Variants in VPS13D observed in about 807,000 individuals in gnomAD.
VPS13D encodes intermembrane lipid transfer protein VPS13D.
Under a neutral mutation model 461.9 loss-of-function variants are expected in VPS13D, and 187 were observed. The observed-to-expected ratio is 0.40, with a 90% CI of 0.36 to 0.46. VPS13D has a LOEUF of 0.46. VPS13D is among the 20% of genes least tolerant of loss of function. VPS13D has a pLI of 0.60. For synonymous variants in VPS13D, 1,951 were observed against 1,986.3 expected (o/e 0.98, Z 0.47); for missense variants, 4,711 against 5,364.9 (o/e 0.88, Z 3.81).
chr1:12,379,447 A>T (rs754204873), intron 56 of VPS13D, 41 bp from the exon 57 acceptor site: 5 of 1,579,106 alleles, frequency 3.2e-6, no homozygotes, highest in Non-Finnish European at 3.5e-6. Context: ...GAAACAGTTG[A>T]CTCGGAGGTT....
chr1:12,256,867 G>A (rs1184177353), intron 8 of VPS13D, 120 bp from the exon 9 acceptor site: 1 of 1,057,974 alleles, frequency 9.5e-7, no homozygotes, highest in Non-Finnish European at 1.4e-6. Flanking sequence ...CTTTCAGTTT[G>A]CACTGGGTTT....
chr1:12,321,461 A>G (rs1643033028), intron 32 of VPS13D, among the ~76,000 whole-genome samples: 1 of 152,206 alleles, frequency 6.6e-6, no homozygotes, highest in Non-Finnish European at 1.5e-5. Flanking sequence ...TAGATGTGAT[A>G]TAACCTTGGC....
At chr1:12,340,360 A>T (rs561112443) in intron 40 of VPS13D, among the ~76,000 whole-genome samples, 4 of 152,334 alleles carry the variant, frequency 2.6e-5, no homozygotes, top group South Asian at 2.1e-4. Flanking sequence ...ACTATATCTT[A>T]GACTCCCCTG....
chr1:12,459,452 T>C (rs566831326), intron 66 of VPS13D, among the ~76,000 whole-genome samples: 88 of 151,812 alleles, frequency 5.8e-4, no homozygotes, highest in African/African-American at 2.0e-3. Context: ...TAGTTATCTC[T>C]CTCTGCCTTA....
rs777747621 is a variant in VPS13D at position 12,268,900 on chromosome 1, C to G, written c.1972+24C>G. ...AGGTTAACTTTTTTGTTTGTTTGAT[C>G]TTATGTTCCTTTTGAAAAACATCTT... On this transcript the variant is annotated intron_variant, in intron 16 of 69. Transcript: ENST00000620676. 6.9e-6 allele frequency: 11 copies of G among 1,594,972 alleles called. No homozygotes were observed. The East Asian group carries it at 1.8e-4, about 26-fold the overall frequency.
At chr1:12,429,337 G>A (rs1049066133) in intron 65 of VPS13D, among the ~76,000 whole-genome samples, 1 of 151,512 alleles carries the variant, frequency 6.6e-6, no homozygotes, top group Non-Finnish European at 1.5e-5. Flanking sequence ...TTGTCACCCA[G>A]GCTGGAGTGC....
At chr1:12,232,459 G>A (rs549302729) in intron 1 of VPS13D, among the ~76,000 whole-genome samples, 3 of 152,176 alleles carry the variant, frequency 2.0e-5, no homozygotes, top group African/African-American at 4.8e-5. Context: ...AGTGGGATGC[G>A]TGCCATGGCA....
chr1:12,499,706 G>A, intron 68 of VPS13D: 1 of 985,412 alleles, frequency 1.0e-6, no homozygotes, highest in Non-Finnish European at 1.2e-6. Context: ...GTTAAATCTT[G>A]CCAATGAATG....
chr1:12,293,437 G>T, intron 23 of VPS13D, 87 bp from the exon 24 acceptor site: 1 of 1,301,816 alleles, frequency 7.7e-7, no homozygotes, highest in Non-Finnish European at 1.0e-6. Flanking sequence ...CTGGTTTTAG[G>T]GAAGCCCCTA....
intron 16 of VPS13D, among the ~76,000 whole-genome samples, chr1:12,269,724 T>C (rs147453259): frequency 0.021 from 3,133 of 152,310 alleles, 154 homozygotes; most frequent in Admixed American, 0.12. Context: ...TATAAAACAA[T>C]AGTATTTTCC....
At chr1:12,269,887 C>G (rs542238590) in intron 16 of VPS13D, among the ~76,000 whole-genome samples, 4 of 152,122 alleles carry the variant, frequency 2.6e-5, no homozygotes, top group Non-Finnish European at 4.4e-5. Context: ...ATGGTTCATA[C>G]CTGTAATCCT....
chr1:12,234,460 ATGGC>A, intron 2 of VPS13D, 97 bp downstream of exon 2: 1 of 966,070 alleles, frequency 1.0e-6, no homozygotes, highest in South Asian at 1.6e-5. Flanking sequence ...TAATGCCCAG[ATGGC>A]TTTGTACTAA....
At position 12,282,711 on chromosome 1, in the gene VPS13D, T is replaced by G. The variant is rs1413989931; in HGVS notation, c.4609T>G (p.Leu1537Val). 8.8e-6 allele frequency: 14 copies of G among 1,599,986 alleles called. No individual in the cohort carries two copies. The highest frequency in any genetic ancestry group is 1.1e-5 in the South Asian group (1 of 90,540). Residue 1537 changes from leucine (L) to valine (V), a missense_variant, in exon 21 of 70, where the codon TTA (leucine) becomes GTA (valine). Coordinates refer to ENST00000620676, the MANE Select transcript of VPS13D (RefSeq NM_015378.4). ...GKFVNPVQVV[L>V]AKHVYEQVLQ... is the part of the protein sequence containing the mutation. Reference sequence around the variant, plus strand: ...TTTTCTCTTTTCAATACAGGTGGTGTTAGCAAAGCATGTATATGAGCAGGT... The same window carrying G: ...TTTTCTCTTTTCAATACAGGTGGTGGTAGCAAAGCATGTATATGAGCAGGT...
At chr1:12,287,684 G>A (rs1336118654) in intron 21 of VPS13D, among the ~76,000 whole-genome samples, 1 of 152,142 alleles carries the variant, frequency 6.6e-6, no homozygotes, top group Non-Finnish European at 1.5e-5. Flanking sequence ...TACAAAGAAT[G>A]CTACTTCCAA....
At position 12,230,035 on chromosome 1, in the gene VPS13D, C is replaced by A. The variant is rs1486811552; in HGVS notation, c.-162C>A. 2.0e-5 allele frequency: 3 copies of A among 151,932 alleles called. No individual in the cohort carries two copies. Among genetic ancestry groups the A allele is most frequent in the Non-Finnish European group, 4.4e-5 (3 of 67,928 alleles). 9.4% of individuals were successfully genotyped at this position (151,932 alleles called of 1,614,324 possible). A position where few individuals can be genotyped will look rare whatever the true frequency, so the allele number is the denominator to read the frequency against. Reference sequence around the variant, plus strand: ...TTGGTCGGGTCGGGGCCGGCCTGAGCGCCGCGGGCCTGCGCCATTGAGGAG... The same window carrying A: ...TTGGTCGGGTCGGGGCCGGCCTGAGAGCCGCGGGCCTGCGCCATTGAGGAG... On this transcript the variant is annotated 5_prime_UTR_variant, in exon 1 of 70. Transcript: ENST00000620676.
At position 12,299,577 on chromosome 1, in the gene VPS13D, T is replaced by C. The variant is rs1048920690; in HGVS notation, c.6216+193T>C. 3.9e-5 allele frequency among the ~76,000 whole-genome samples: 6 copies of C among 152,152 alleles called. No individual in the cohort carries two copies. The highest frequency in any genetic ancestry group is 1.4e-4 in the African/African-American group (6 of 41,418). On this transcript the variant is annotated intron_variant, in intron 25 of 69. Coordinates refer to ENST00000620676, the MANE Select transcript of VPS13D (RefSeq NM_015378.4). This position sits in a 1 kb window ranked among gnomAD's most constrained non-coding sequence, Gnocchi z 4.2. ...ATTGAGGTAGTGTAAATTATAACTC[T>C]TAGTAAATGTAGGTAGTAGAATTTT... is the stretch of plus-strand genomic sequence containing the variant.
chr1:12,345,809 T>C (rs1643663165), intron 43 of VPS13D, among the ~76,000 whole-genome samples: 1 of 152,244 alleles, frequency 6.6e-6, no homozygotes, highest in African/African-American at 2.4e-5. Context: ...GTCTTGTTTT[T>C]ATTTCACATA....
At chr1:12,301,514 G>C (rs144116514) in intron 25 of VPS13D, among the ~76,000 whole-genome samples, 1 of 152,190 alleles carries the variant, frequency 6.6e-6, no homozygotes, top group African/African-American at 2.4e-5. Flanking sequence ...GCAGCGTCCC[G>C]AACACAGAAG....
intron 60 of VPS13D, among the ~76,000 whole-genome samples, chr1:12,396,150 T>C (rs1644496087): frequency 6.6e-6 from 1 of 151,110 alleles, no homozygotes; most frequent in South Asian, 2.1e-4. Flanking sequence ...TACTGACAAG[T>C]CTGGGGATGG....
Sources: gnomAD v4.1 joint callset for allele counts (sites outside exome capture counted in the v4.1 genomes callset) on GRCh38, gnomAD v4.1.1 for gene constraint, Gnocchi (gnomAD v3.1) non-coding constraint, MANE v1.5 for transcripts, NCBI Gene and HGNC (gene_info 2026-07-23, HGNC 2026-07-21) for gene names.